Variants in XKR7 observed in about 807,000 individuals in gnomAD.
The protein encoded by XKR7 is XK related 7, also known as XK-related protein 7.
A neutral mutation model predicts 42.2 loss-of-function variants in XKR7; 11 were observed. The ratio of observed to expected loss-of-function variants is 0.26; its 90% CI spans 0.16 to 0.43. The LOEUF is 0.43. Ranked by LOEUF, XKR7 falls within the 20% of genes least tolerant of loss-of-function variation. The pLI is 1.00. For missense variants in XKR7, 710 were observed against 802.2 expected (o/e 0.89, Z 1.39); for synonymous variants, 346 against 366.4 (o/e 0.94, Z 0.64).
chr20:31,989,698 C>T (rs531025142), intron 1 of XKR7, among the ~76,000 whole-genome samples: 47 of 152,248 alleles, frequency 3.1e-4, no homozygotes, highest in Admixed American at 9.8e-4. Context: ...ACTGCAGCCT[C>T]GAACTCCTGG....
Position 32,000,367 on chromosome 20 carries a change from A to C in XKR7, c.*2910A>C. On this transcript the variant is annotated 3_prime_UTR_variant, in exon 3 of 3. Coordinates refer to ENST00000562532, the MANE Select transcript of XKR7 (RefSeq NM_001011718.2). The stretch of plus-strand genomic sequence containing the variant: ...CTGGTCCTCTGCCTCCTGTCCCCTG[A>C]CCCCCACCCCAGTCTGGATGTTCAG... 6.6e-6 allele frequency: 1 copy of C among 151,284 alleles called. No individual in the cohort carries two copies. The highest frequency in any genetic ancestry group is 1.5e-5 in the Non-Finnish European group (1 of 67,906). 9.4% of individuals were successfully genotyped at this position (151,284 alleles called of 1,614,324 possible). A position where few individuals can be genotyped will look rare whatever the true frequency, so the allele number is the denominator to read the frequency against.
chr20:31,982,717 G>A (rs1200165787), intron 1 of XKR7, among the ~76,000 whole-genome samples: 1 of 152,170 alleles, frequency 6.6e-6, no homozygotes, highest in African/African-American at 2.4e-5. Context: ...AGACCCCAAA[G>A]AATACTTGCC....
intron 1 of XKR7, among the ~76,000 whole-genome samples, chr20:31,969,253 A>C (rs927297292): frequency 1.3e-5 from 2 of 152,186 alleles, no homozygotes; most frequent in African/African-American, 4.8e-5. Flanking sequence ...GAGACAGCTA[A>C]ATGAATATCC....
At chr20:31,973,357 G>A (rs74397018) in intron 1 of XKR7, among the ~76,000 whole-genome samples, 4,283 of 152,276 alleles carry the variant, frequency 0.028, 90 homozygotes, top group Non-Finnish European at 0.042. Flanking sequence ...CTAAGTGCTG[G>A]GAATAGAGTG....
In XKR7 at chr20:31,996,636, C is replaced by A; in HGVS notation, c.919C>A (p.Leu307Met). Reference protein sequence around the residue: ...KGAVAQVLWHLFSIAARGLAF... With the variant: ...KGAVAQVLWHMFSIAARGLAF... ...CGCCGTGGCACAGGTGCTGTGGCAC[C>A]TGTTCAGCATTGCCGCCCGCGGCCT... Residue 307 changes from leucine (L) to methionine (M), a missense_variant, in exon 3 of 3, where the codon CTG (leucine) becomes ATG (methionine). Leu to Met is a conservative substitution (Grantham distance 15). Transcript: ENST00000562532. 6.3e-7 allele frequency: 1 copy of A among 1,588,334 alleles called. No individual in the cohort carries two copies. Among genetic ancestry groups the A allele is most frequent in the Non-Finnish European group, 8.6e-7 (1 of 1,165,740 alleles).
intron 1 of XKR7, among the ~76,000 whole-genome samples, chr20:31,975,109 C>G (rs2064479560): frequency 6.6e-6 from 1 of 152,082 alleles, no homozygotes; most frequent in Admixed American, 6.5e-5. Flanking sequence ...GGCGCAGGTC[C>G]CTGGGGAGAG....
chr20:31,975,153 C>T (rs2064479695), intron 1 of XKR7, among the ~76,000 whole-genome samples: 1 of 152,036 alleles, frequency 6.6e-6, no homozygotes, highest in Admixed American at 6.5e-5. Context: ...TCTGGCCTCT[C>T]TGTTCACCAC....
intron 1 of XKR7, among the ~76,000 whole-genome samples, chr20:31,972,427 G>A (rs953213472): frequency 6.6e-6 from 1 of 152,188 alleles, no homozygotes; most frequent in Non-Finnish European, 1.5e-5. Flanking sequence ...ACAGCAAACA[G>A]ATCCTCTGGC....
rs539817907 is a variant in XKR7 at position 31,997,138 on chromosome 20, G to C, written c.1421G>C (p.Arg474Thr). Residue 474 changes from arginine to threonine, a missense_variant, in exon 3 of 3, where the codon AGG (arginine) becomes ACG (threonine). By Grantham distance (71) the Arg-to-Thr change is moderately conservative (BLOSUM62 -1). Around this residue, in one of 2 missense-constraint regions of XKR7, gnomAD observed 708 missense variants for 786.2 expected, o/e 0.90. Coordinates refer to ENST00000562532, the MANE Select transcript of XKR7 (RefSeq NM_001011718.2). ...GCTGACGCCATCACGAGTCCCCCCA[G>C]GTCCCTGCCAAGGACTACAGGTGCT... is the stretch of plus-strand genomic sequence containing the variant. ...PPADAITSPP[R>T]SLPRTTGAER... The C allele has an allele frequency of 9.9e-5, 160 of 1,612,196 alleles. 3 individuals carry two copies. The South Asian group carries it at 1.6e-3, about 16-fold the overall frequency.
intron 1 of XKR7, among the ~76,000 whole-genome samples, chr20:31,983,595 G>A (rs1268334721): frequency 1.3e-5 from 2 of 152,188 alleles, no homozygotes; most frequent in African/African-American, 4.8e-5. Context: ...AGGGTCCCCG[G>A]GAGGGACAAA....
At position 31,981,064 on chromosome 20, in the gene XKR7, C is replaced by CAA. The variant is rs1304530509; in HGVS notation, c.584+12322_584+12323dup. Among the ~76,000 whole-genome samples the CAA allele has an allele frequency of 2.6e-3, 248 of 94,472 alleles. 1 individual carries two copies. The highest frequency in any genetic ancestry group is 0.011 in the Middle Eastern group (2 of 176). 62.0% of individuals were successfully genotyped at this position (94,472 alleles called of 152,430 possible). A position where few individuals can be genotyped will look rare whatever the true frequency, so the allele number is the denominator to read the frequency against. ...TGGGTAACAGAGTGAGACCCTGTCT[C>CAA]AAAAAAAAAAAAAAAAAATGGCCAG... On this transcript the variant is annotated intron_variant, in intron 1 of 2. Transcript: ENST00000562532.
chr20:31,972,471 C>A (rs907295688), intron 1 of XKR7, among the ~76,000 whole-genome samples: 1 of 152,204 alleles, frequency 6.6e-6, no homozygotes, highest in African/African-American at 2.4e-5. Flanking sequence ...TGGACACCAA[C>A]CTGCAACTTC....
Position 31,998,494 on chromosome 20 carries a change from C to G in XKR7, c.*1037C>G, listed in dbSNP as rs1278466283. 6.6e-6 allele frequency: 1 copy of G among 152,298 alleles called. No individual in the cohort carries two copies. The highest frequency in any genetic ancestry group is 2.4e-5 in the African/African-American group (1 of 41,394). The allele number at this position is 152,298 out of a possible 1,614,324, so 9.4% of individuals were successfully genotyped here. A position where few individuals can be genotyped will look rare whatever the true frequency, so the allele number is the denominator to read the frequency against. On this transcript the variant is annotated 3_prime_UTR_variant, in exon 3 of 3. Transcript: ENST00000562532. Reference sequence around the variant, plus strand: ...GTATTCTGTTGTGAGGAGGAGGACACTGGAGGCCTGCTGCTCTGCTGTGGG... The same window carrying G: ...GTATTCTGTTGTGAGGAGGAGGACAGTGGAGGCCTGCTGCTCTGCTGTGGG...
intron 1 of XKR7, among the ~76,000 whole-genome samples, chr20:31,977,836 C>T (rs1323560774): frequency 6.6e-6 from 1 of 152,188 alleles, no homozygotes; most frequent in Non-Finnish European, 1.5e-5. Context: ...AGGGTGTGAA[C>T]TCCACATCAG....
Position 31,997,100 on chromosome 20 carries a change from C to T in XKR7, c.1383C>T (p.Pro461=), listed in dbSNP as rs1464162010. The T allele has an allele frequency of 6.2e-7, 1 of 1,613,276 alleles. No individual in the cohort carries two copies. The highest frequency in any genetic ancestry group is 8.5e-7 in the Non-Finnish European group (1 of 1,180,032). ...GCATCTTCCGTAAGGCCTCAGAGCC[C>T]TGTGGCCCACCCGCTGACGCCATCA... ...PGCIFRKASE[P]CGPPADAITS... is the part of the protein sequence containing the mutation. The change falls in exon 3 of 3, where the codon CCC becomes CCT. Residue 461 remains proline, a synonymous_variant. Coordinates refer to ENST00000562532, the MANE Select transcript of XKR7 (RefSeq NM_001011718.2).
intron 2 of XKR7, 26 bp from the exon 3 acceptor site, chr20:31,996,479 A>AAACC: frequency 3.0e-4 from 9 of 30,424 alleles, no homozygotes; most frequent in Non-Finnish European, 4.6e-4. Context: ...AACCCAGCCC[A>AAACC]CCCCGCCCCT....
In XKR7 at chr20:31,968,427, G is replaced by C; in HGVS notation, c.252G>C (p.Gln84His). 6.2e-7 allele frequency: 1 copy of C among 1,613,916 alleles called. No homozygotes were observed. Among genetic ancestry groups the C allele is most frequent in the Non-Finnish European group, 8.5e-7 (1 of 1,179,884 alleles). The change falls in exon 1 of 3, where the codon CAG becomes CAC. Residue 84 changes from glutamine (Q) to histidine (H), a missense_variant. This residue lies in a region of XKR7 where 708 missense variants were observed against 786.2 expected (regional missense o/e 0.90). Coordinates refer to ENST00000562532, the MANE Select transcript of XKR7 (RefSeq NM_001011718.2). The surrounding 1 kb of genome is among the most constrained non-coding windows in gnomAD (Gnocchi z 4.5). The part of the protein sequence containing the change: ...DLWLAASYYL[Q>H]NQHTYFSLTL... ...GGCTGGCGGCCTCCTACTACCTGCA[G>C]AATCAACACACCTACTTCAGCCTCA...
rs751559546 is a variant in XKR7 at position 31,968,646 on chromosome 20, G to A, written c.471G>A (p.Pro157=). Residue 157 remains proline (P), a synonymous_variant, in exon 1 of 3, where the codon CCG becomes CCA. Transcript: ENST00000562532. This position sits in a 1 kb window ranked among gnomAD's most constrained non-coding sequence, Gnocchi z 4.5. ...AFRTKEGSPE[P]GPQPAPSSAS... The stretch of plus-strand genomic sequence containing the variant: ...GGACCAAAGAAGGCAGCCCCGAGCC[G>A]GGTCCCCAGCCTGCGCCCTCCTCGG... The A allele has an allele frequency of 1.3e-6, 2 of 1,585,096 alleles. No individual in the cohort carries two copies. Among genetic ancestry groups the A allele is most frequent in the Non-Finnish European group, 1.7e-6 (2 of 1,172,484 alleles).
chr20:31,968,612 G>C lies in XKR7; in HGVS notation c.437G>C (p.Gly146Ala). The C allele has an allele frequency of 6.2e-7, 1 of 1,603,684 alleles. No homozygotes were observed. Among genetic ancestry groups the C allele is most frequent in the African/African-American group, 1.3e-5 (1 of 75,012 alleles). The change falls in exon 1 of 3, where the codon GGC becomes GCC. Residue 146 changes from glycine to alanine, a missense_variant. Around this residue, in one of 2 missense-constraint regions of XKR7, gnomAD observed 708 missense variants for 786.2 expected, o/e 0.90. Coordinates refer to ENST00000562532, the MANE Select transcript of XKR7 (RefSeq NM_001011718.2). The surrounding 1 kb of genome is among the most constrained non-coding windows in gnomAD (Gnocchi z 4.5). ...GCCATCAGCACCAAGGACAGCGCCGGCGCCTTCCGGACCAAAGAAGGCAGC... is the reference window on the plus strand; with the variant it reads ...GCCATCAGCACCAAGGACAGCGCCGCCGCCTTCCGGACCAAAGAAGGCAGC... ...GAAISTKDSA[G>A]AFRTKEGSPE...
Sources: gnomAD v4.1 joint callset for allele counts (sites outside exome capture counted in the v4.1 genomes callset) on GRCh38, gnomAD v4.1.1 for gene constraint, gnomAD v4.1.1 regional missense constraint, Gnocchi (gnomAD v3.1) non-coding constraint, MANE v1.5 for transcripts, NCBI Gene and HGNC (gene_info 2026-07-23, HGNC 2026-07-21) for gene names.